Variants in CTNNBL1 observed in about 807,000 individuals in gnomAD.
CTNNBL1 encodes catenin beta like 1.
A neutral mutation model predicts 72.7 loss-of-function variants in CTNNBL1; 31 were observed. That is an observed-to-expected ratio of 0.43 (90% CI 0.32 to 0.58). The LOEUF (loss-of-function observed/expected upper bound fraction) is 0.58. CTNNBL1 is among the 20% of genes least tolerant of loss of function. The pLI is 0.08. For synonymous variants in CTNNBL1, 240 were observed against 267.3 expected, an observed-to-expected ratio of 0.90 and a Z score of 1.00; for missense variants, 534 against 725.1, an observed-to-expected ratio of 0.74 and a Z score of 3.03.
chr20:37,765,274 C>A lies in CTNNBL1; in HGVS notation c.642C>A (p.Gly214=), dbSNP rs895028985. Residue 214 remains glycine, a synonymous_variant, in exon 6 of 16, where the codon GGC becomes GGA. Coordinates refer to ENST00000361383, the MANE Select transcript of CTNNBL1 (RefSeq NM_030877.5). ...AGTCTGTGAAAGAGGAGGCAGATGG[C>A]GTCCACAACACTCTGGGTGAGAGGA... ...LDESVKEEAD[G]VHNTLAIVEN... is the part of the protein sequence containing the mutation. 6.5e-7 allele frequency: 1 copy of A among 1,550,120 alleles called. No homozygotes were observed. The highest frequency in any genetic ancestry group is 2.4e-5 in the East Asian group (1 of 40,910).
At chr20:37,699,384 A>C (rs1411636905) in intron 1 of CTNNBL1, among the ~76,000 whole-genome samples, 2 of 152,226 alleles carry the variant, frequency 1.3e-5, no homozygotes, top group Non-Finnish European at 2.9e-5. Context: ...AATTCTCAAC[A>C]TGCCTTCTGA....
At chr20:37,844,021 A>G (rs1391537279) in intron 13 of CTNNBL1, among the ~76,000 whole-genome samples, 1 of 152,186 alleles carries the variant, frequency 6.6e-6, no homozygotes, top group Non-Finnish European at 1.5e-5. Context: ...TTCCGTTTCC[A>G]TCTTTTCTAC....
chr20:37,843,657 C>A (rs1220500386), intron 13 of CTNNBL1, among the ~76,000 whole-genome samples: 1 of 152,174 alleles, frequency 6.6e-6, no homozygotes, highest in Non-Finnish European at 1.5e-5. Context: ...ATTCCATCGT[C>A]CAAAAATGTC....
In CTNNBL1 at chr20:37,738,753, T is replaced by A. The variant is rs141917324; in HGVS notation, c.326+1269T>A. Among the ~76,000 whole-genome samples, 170 of 152,258 alleles carry A rather than the reference T, an allele frequency of 1.1e-3. 1 individual carries two copies. Among genetic ancestry groups the A allele is most frequent in the Non-Finnish European group, 1.9e-3 (129 of 68,016 alleles). ...GCTATTGAGGGTGTCACAGAAAAGATAGTAGTTGAGCTGGGCCTTGAAGAT... is the reference window on the plus strand; with the variant it reads ...GCTATTGAGGGTGTCACAGAAAAGAAAGTAGTTGAGCTGGGCCTTGAAGAT... On this transcript the variant is annotated intron_variant, in intron 3 of 15. Coordinates refer to ENST00000361383, the MANE Select transcript of CTNNBL1 (RefSeq NM_030877.5).
intron 10 of CTNNBL1, among the ~76,000 whole-genome samples, chr20:37,783,627 T>C (rs2073646062): frequency 1.3e-5 from 2 of 152,230 alleles, no homozygotes; most frequent in African/African-American, 4.8e-5. Flanking sequence ...CCACTGGTTA[T>C]TCAAGAGCAT....
chr20:37,868,747 C>G (rs1031414740), intron 15 of CTNNBL1, among the ~76,000 whole-genome samples: 2 of 152,158 alleles, frequency 1.3e-5, no homozygotes, highest in African/African-American at 4.8e-5. Flanking sequence ...TGGGTTCCCT[C>G]TGCTTCGTAC....
Position 37,857,018 on chromosome 20 carries a change from C to T in CTNNBL1, c.1393-2881C>T, listed in dbSNP as rs75717182. 3.9e-4 allele frequency among the ~76,000 whole-genome samples: 60 copies of T among 152,220 alleles called. 1 individual carries two copies. Among genetic ancestry groups the T allele is most frequent in the African/African-American group, 1.2e-3 (51 of 41,536 alleles). On this transcript the variant is annotated intron_variant, in intron 13 of 15. Coordinates refer to ENST00000361383, the MANE Select transcript of CTNNBL1 (RefSeq NM_030877.5). ...ACACGATTCCTATCCCTGGGGAATCCGTTTTCTAGCAACTGGTAATTATGA... is the reference window on the plus strand; with the variant it reads ...ACACGATTCCTATCCCTGGGGAATCTGTTTTCTAGCAACTGGTAATTATGA...
intron 13 of CTNNBL1, among the ~76,000 whole-genome samples, chr20:37,843,741 T>C (rs759177073): frequency 6.6e-6 from 1 of 152,214 alleles, no homozygotes; most frequent in Non-Finnish European, 1.5e-5. Flanking sequence ...TTGGATCACC[T>C]TGGCTAGTAT....
rs1374484635 is a variant in CTNNBL1 at position 37,737,379 on chromosome 20, A to G, written c.221A>G (p.Glu74Gly). 2 of 1,610,514 alleles carry G rather than the reference A, an allele frequency of 1.2e-6. No individual in the cohort carries two copies. The highest frequency in any genetic ancestry group is 2.7e-5 in the African/African-American group (2 of 74,794). ...TTTGCATTTGTCTCTTTGTACCAGGAGGAGCCATTGGATGAAAGCTCAGTG... is the reference window on the plus strand; with the variant it reads ...TTTGCATTTGTCTCTTTGTACCAGGGGGAGCCATTGGATGAAAGCTCAGTG... ...DRDGEEEEEE[E>G]EPLDESSVKK... Residue 74 changes from glutamate (E) to glycine (G), a missense_variant and splice_region_variant, in exon 3 of 16, where the codon GAG becomes GGG. Transcript: ENST00000361383.
chr20:37,855,961 G>C (rs1176306039), intron 13 of CTNNBL1, among the ~76,000 whole-genome samples: 1 of 152,124 alleles, frequency 6.6e-6, no homozygotes, highest in African/African-American at 2.4e-5. Context: ...TAAGGGCTGG[G>C]CACAGCGCCT....
intron 15 of CTNNBL1, among the ~76,000 whole-genome samples, chr20:37,870,802 C>T (rs1211798549): frequency 2.0e-5 from 3 of 152,156 alleles, no homozygotes; most frequent in African/African-American, 2.4e-5. Flanking sequence ...TGGCCCCTCC[C>T]GTGGCTCCAG....
chr20:37,788,849 G>A (rs886248275), intron 10 of CTNNBL1, among the ~76,000 whole-genome samples: 1 of 152,026 alleles, frequency 6.6e-6, no homozygotes, highest in African/African-American at 2.4e-5. Context: ...TTACCTACTC[G>A]CCCTTACCTC....
intron 1 of CTNNBL1, among the ~76,000 whole-genome samples, chr20:37,713,649 G>A (rs912986074): frequency 6.6e-6 from 1 of 152,198 alleles, no homozygotes; most frequent in Admixed American, 6.5e-5. Flanking sequence ...ACTAATGGCA[G>A]ATTTGCTCTT....
chr20:37,746,204 T>C (rs2073260907), intron 3 of CTNNBL1, among the ~76,000 whole-genome samples: 1 of 152,168 alleles, frequency 6.6e-6, no homozygotes, highest in South Asian at 2.1e-4. Context: ...TACAAAATGC[T>C]TCGGGAGCCT....
chr20:37,765,342 G>T (rs2073457546), intron 6 of CTNNBL1, 52 bp downstream of exon 6: 1 of 1,184,284 alleles, frequency 8.4e-7, no homozygotes, highest in Non-Finnish European at 1.2e-6. Context: ...TTTGTTTTGG[G>T]ACTCTGTGCT....
intron 11 of CTNNBL1, among the ~76,000 whole-genome samples, chr20:37,826,757 G>T (rs1222405587): frequency 6.6e-6 from 1 of 152,140 alleles, no homozygotes; most frequent in African/African-American, 2.4e-5. Flanking sequence ...GTCTGTGTCA[G>T]TCATCCATCC....
At chr20:37,787,390 G>A (rs1162013011) in intron 10 of CTNNBL1, among the ~76,000 whole-genome samples, 1 of 146,806 alleles carries the variant, frequency 6.8e-6, no homozygotes, top group Non-Finnish European at 1.5e-5. Flanking sequence ...TGTCGCCCAG[G>A]CTGGAGTGCA....
chr20:37,793,789 C>A (rs1296809888), intron 10 of CTNNBL1, among the ~76,000 whole-genome samples: 2 of 150,648 alleles, frequency 1.3e-5, no homozygotes, highest in Non-Finnish European at 3.0e-5. Flanking sequence ...TCTTTTTTTT[C>A]TTTTTCTTTG....
chr20:37,731,165 G>A (rs1170933243), intron 1 of CTNNBL1, among the ~76,000 whole-genome samples: 5 of 151,420 alleles, frequency 3.3e-5, no homozygotes, highest in Non-Finnish European at 1.5e-5. Flanking sequence ...TAAATGTACA[G>A]TTCATTATTA....
Sources: allele counts gnomAD v4.1 joint callset (sites outside exome capture counted in the v4.1 genomes callset), GRCh38; gene constraint gnomAD v4.1.1; transcripts MANE v1.5; gene names NCBI Gene and HGNC (gene_info 2026-07-23, HGNC 2026-07-21).